Variants in CPD observed in about 807,000 individuals in gnomAD.
CPD encodes carboxypeptidase D.
Under a neutral mutation model 138.3 loss-of-function variants are expected in CPD, and 69 were observed. The observed-to-expected ratio is 0.50, with a 90% CI of 0.41 to 0.61. CPD has a LOEUF of 0.61. Ranked by LOEUF, CPD falls within the 20% of genes least tolerant of loss-of-function variation. The pLI, the probability that CPD is intolerant of heterozygous loss-of-function variation, is 0.00. For missense variants in CPD, 1,432 were observed against 1,733.3 expected (o/e 0.83, Z 3.09); for synonymous variants, 651 against 642.1 (o/e 1.01, Z -0.21).
At chr17:30,451,932 A>G in intron 14 of CPD, 86 bp downstream of exon 14, 1 of 1,264,804 alleles carries the variant, frequency 7.9e-7, no homozygotes, top group Non-Finnish European at 1.1e-6. Flanking sequence ...TTGTCAGTGA[A>G]TAATGGAGTA....
intron 8 of CPD, among the ~76,000 whole-genome samples, chr17:30,438,208 C>T (rs894559440): frequency 7.9e-5 from 12 of 151,944 alleles, no homozygotes; most frequent in Non-Finnish European, 1.8e-4. Context: ...TTTCTCTTCA[C>T]ACTTTCAGTA....
intron 12 of CPD, among the ~76,000 whole-genome samples, chr17:30,448,913 C>T (rs1427110062): frequency 6.6e-6 from 1 of 151,940 alleles, no homozygotes; most frequent in Non-Finnish European, 1.5e-5. Context: ...AAACCAGCCT[C>T]AGCAATATAG....
At position 30,464,869 on chromosome 17, in the gene CPD, C is replaced by T; in HGVS notation, c.*55C>T. The T allele has an allele frequency of 1.5e-6, 2 of 1,345,816 alleles. No individual in the cohort carries two copies. Among genetic ancestry groups the T allele is most frequent in the Non-Finnish European group, 2.1e-6 (2 of 941,910 alleles). 83.4% of individuals were successfully genotyped at this position (1,345,816 alleles called of 1,614,324 possible). ...AGTACCAAGCAAAATTACAGTTCCT[C>T]TTGGGAGAACACTGCATTAAGAAGA... On this transcript the variant is annotated 3_prime_UTR_variant, in exon 21 of 21. Coordinates refer to ENST00000225719, the MANE Select transcript of CPD (RefSeq NM_001304.5).
rs78385519 is a variant in CPD at position 30,378,994 on chromosome 17, G to A, written c.14G>A (p.Arg5Gln). The change falls in exon 1 of 21, where the codon CGG becomes CAG. Residue 5 changes from arginine to glutamine, a missense_variant. This residue lies in a region of CPD where 484 missense variants were observed against 477.2 expected (regional missense o/e 1.01). Coordinates refer to ENST00000225719, the MANE Select transcript of CPD (RefSeq NM_001304.5). ...CGCTGCTGGAAGATGGCGAGCGGCC[G>A]GGACGAGCGGCCGCCTTGGCGGCTA... Reference protein sequence around the residue: MASGRDERPPWRLGR... With the variant: MASGQDERPPWRLGR... 3.2e-6 allele frequency: 5 copies of A among 1,541,654 alleles called. No homozygotes were observed. In the South Asian group the frequency reaches 4.7e-5, roughly 15 times the overall value.
intron 9 of CPD, among the ~76,000 whole-genome samples, chr17:30,439,394 C>CTTT (rs71138889): frequency 1.2e-3 from 154 of 124,620 alleles, no homozygotes; most frequent in African/African-American, 2.7e-3. Context: ...ACGTTACTTT[C>CTTT]TTTTTTTTTT....
chr17:30,452,478 A>G (rs1913192359), intron 14 of CPD, among the ~76,000 whole-genome samples: 2 of 149,956 alleles, frequency 1.3e-5, no homozygotes, highest in South Asian at 4.3e-4. Context: ...TATCATGTTG[A>G]CCAGGCTGGT....
chr17:30,402,324 G>A (rs138192091), intron 2 of CPD, among the ~76,000 whole-genome samples: 2 of 152,226 alleles, frequency 1.3e-5, no homozygotes, highest in African/African-American at 4.8e-5. Flanking sequence ...TCAGCAATTC[G>A]GGAGGCCAAG....
chr17:30,436,272 C>G (rs1177107988), intron 8 of CPD, among the ~76,000 whole-genome samples: 1 of 152,074 alleles, frequency 6.6e-6, no homozygotes, highest in African/African-American at 2.4e-5. Flanking sequence ...ATGATCATGC[C>G]ACTGCACTCC....
chr17:30,421,984 T>C, intron 4 of CPD, 151 bp downstream of exon 4: 1 of 669,062 alleles, frequency 1.5e-6, no homozygotes. Flanking sequence ...AATAAGAAAA[T>C]ACTATTGTGG....
chr17:30,379,557 G>A lies in CPD; in HGVS notation c.577G>A (p.Gly193Ser). 3 of 1,543,434 alleles carry A rather than the reference G, an allele frequency of 1.9e-6. No individual in the cohort carries two copies. Among genetic ancestry groups the A allele is most frequent in the Non-Finnish European group, 2.6e-6 (3 of 1,155,706 alleles). The change falls in exon 1 of 21, where the codon GGC becomes AGC. Residue 193 changes from glycine to serine, a missense_variant. Around this residue, in one of 6 missense-constraint regions of CPD, gnomAD observed 484 missense variants for 477.2 expected, o/e 1.01. Transcript: ENST00000225719. The surrounding 1 kb of genome is among the most constrained non-coding windows in gnomAD (Gnocchi z 7.0). ...NPDGFERARE[G>S]DCGFGDGGPS... Reference sequence around the variant, plus strand: ...CGATGGCTTCGAGCGTGCCCGCGAGGGCGACTGTGGCTTCGGCGACGGCGG... The same window carrying A: ...CGATGGCTTCGAGCGTGCCCGCGAGAGCGACTGTGGCTTCGGCGACGGCGG...
chr17:30,430,115 T>C (rs1166931596), intron 7 of CPD, among the ~76,000 whole-genome samples: 1 of 152,228 alleles, frequency 6.6e-6, no homozygotes, highest in Non-Finnish European at 1.5e-5. Flanking sequence ...AGCAATATTC[T>C]TTTTCATAAA....
intron 1 of CPD, among the ~76,000 whole-genome samples, chr17:30,381,123 AT>A (rs769103338): frequency 2.0e-5 from 3 of 152,150 alleles, no homozygotes; most frequent in Non-Finnish European, 4.4e-5. Context: ...TAGATATATA[AT>A]TTCACATAGA....
intron 17 of CPD, among the ~76,000 whole-genome samples, chr17:30,458,732 G>T (rs998040685): frequency 2.0e-5 from 3 of 152,110 alleles, no homozygotes; most frequent in Non-Finnish European, 4.4e-5. Context: ...AGGCTGTAGT[G>T]CTGCGCACCT....
At position 30,379,911 on chromosome 17, in the gene CPD, A is replaced by C. The variant is rs538241703; in HGVS notation, c.746+185A>C. Among the ~76,000 whole-genome samples the C allele has an allele frequency of 3.2e-4, 49 of 152,232 alleles. No homozygotes were observed. The highest frequency in any genetic ancestry group is 1.4e-3 in the Admixed American group (21 of 15,298). On this transcript the variant is annotated intron_variant, in intron 1 of 20. Coordinates refer to ENST00000225719, the MANE Select transcript of CPD (RefSeq NM_001304.5). The surrounding 1 kb of genome is among the most constrained non-coding windows in gnomAD (Gnocchi z 7.0). ...CTCCCGTCCTGCTAATCATCAAAGA[A>C]TTGCCTCCTAGAGGCTGTCATTTGT...
At chr17:30,426,260 C>G (rs1482404470) in intron 6 of CPD, among the ~76,000 whole-genome samples, 10 of 150,806 alleles carry the variant, frequency 6.6e-5, no homozygotes, top group Non-Finnish European at 1.5e-4. Flanking sequence ...GCTGCACAGG[C>G]AAAACAGTTC....
intron 8 of CPD, among the ~76,000 whole-genome samples, chr17:30,434,296 A>T (rs77211496): frequency 0.028 from 4,311 of 152,230 alleles, 202 homozygotes; most frequent in African/African-American, 0.098. Flanking sequence ...TAAATTTTTT[A>T]AAAATCAAGA....
intron 2 of CPD, among the ~76,000 whole-genome samples, chr17:30,414,475 C>T (rs1440318102): frequency 4.6e-5 from 7 of 151,700 alleles, no homozygotes; most frequent in Admixed American, 2.0e-4. Context: ...CCCAGCTACT[C>T]GGGAAGCTGA....
Position 30,385,176 on chromosome 17 carries a change from G to T in CPD, c.934G>T (p.Asp312Tyr). The T allele has an allele frequency of 1.9e-6, 3 of 1,614,034 alleles. No homozygotes were observed. The highest frequency in any genetic ancestry group is 2.5e-6 in the Non-Finnish European group (3 of 1,179,970). Residue 312 changes from aspartate (D) to tyrosine (Y), a missense_variant, in exon 2 of 21, where the codon GAT becomes TAT. Asp to Tyr is a radical substitution (Grantham distance 160, BLOSUM62 -3). This residue lies in a region of CPD where 484 missense variants were observed against 477.2 expected (regional missense o/e 1.01). Coordinates refer to ENST00000225719, the MANE Select transcript of CPD (RefSeq NM_001304.5). The stretch of plus-strand genomic sequence containing the variant: ...AACTGGTGAGCCTCATTGTCCAGGA[G>T]ATGAAGACGAGACTTTCAAAGATGG... ...MKTGEPHCPGDEDETFKDGIT... is the reference protein window; with the variant it reads ...MKTGEPHCPGYEDETFKDGIT...
chr17:30,435,444 C>T (rs886238700), intron 8 of CPD, among the ~76,000 whole-genome samples: 1 of 151,744 alleles, frequency 6.6e-6, no homozygotes, highest in Non-Finnish European at 1.5e-5. Context: ...GGTGCTGGGA[C>T]AATTGGATAT....
Sources: gnomAD v4.1 joint callset for allele counts (sites outside exome capture counted in the v4.1 genomes callset) on GRCh38, gnomAD v4.1.1 for gene constraint, gnomAD v4.1.1 regional missense constraint, Gnocchi (gnomAD v3.1) non-coding constraint, MANE v1.5 for transcripts, NCBI Gene and HGNC (gene_info 2026-07-23, HGNC 2026-07-21) for gene names.